MRTFB: variants seen among roughly 807,000 people sequenced by gnomAD.
The protein encoded by MRTFB is myocardin related transcription factor B, also known as myocardin-related transcription factor B.
In MRTFB, 29 loss-of-function variants were observed where a neutral mutation model predicts 104.2. The observed-to-expected ratio is 0.28, with a 90% CI of 0.21 to 0.38. The LOEUF (loss-of-function observed/expected upper bound fraction) is 0.38. Ranked by LOEUF, MRTFB falls within the 10% of genes least tolerant of loss-of-function variation. The pLI is 1.00. For missense variants in MRTFB, 1,270 were observed against 1,341.6 expected, an observed-to-expected ratio of 0.95 and a Z score of 0.83; for synonymous variants, 535 against 519.5, an observed-to-expected ratio of 1.03 and a Z score of -0.41.
In MRTFB at chr16:14,246,763, C is replaced by T. The variant is rs201837515; in HGVS notation, c.1503C>T (p.Ser501=). Residue 501 remains serine (S), a synonymous_variant, in exon 12 of 17, where the codon TCC becomes TCT. Transcript: ENST00000571589. ...CAACCCGTGTGGAAAATGTTCATTC[C>T]CCTCTGCCCATTTCACCATCTCCCT... ...SNATRVENVH[S]PLPISPSPSE... The T allele has an allele frequency of 1.2e-6, 2 of 1,614,052 alleles. No homozygotes were observed. The highest frequency in any genetic ancestry group is 2.2e-5 in the East Asian group (1 of 44,878).
chr16:14,063,086 A>G, the MRTFB span, among the ~76,000 whole-genome samples: 1 of 152,188 alleles, frequency 6.6e-6, no homozygotes, highest in South Asian at 2.1e-4. Flanking sequence ...AAAGACAGAT[A>G]GGTTACAGAT....
chr16:14,239,589 A>G (rs1464698162), intron 9 of MRTFB, among the ~76,000 whole-genome samples: 1 of 152,182 alleles, frequency 6.6e-6, no homozygotes, highest in East Asian at 1.9e-4. Context: ...GTATAAAGTG[A>G]TCTGATAACT....
intron 9 of MRTFB, among the ~76,000 whole-genome samples, chr16:14,236,483 G>GTTT (rs1186976096): frequency 9.2e-5 from 14 of 152,194 alleles, no homozygotes; most frequent in Non-Finnish European, 1.8e-4. Context: ...AGGGTAAACA[G>GTTT]ACAACCAAAT....
chr16:14,169,910 A>C (rs2039367526), intron 3 of MRTFB, among the ~76,000 whole-genome samples: 1 of 152,140 alleles, frequency 6.6e-6, no homozygotes, highest in Non-Finnish European at 1.5e-5. Flanking sequence ...TAACATACAA[A>C]ATTGTCATTT....
intron 8 of MRTFB, among the ~76,000 whole-genome samples, chr16:14,222,203 G>A (rs950960405): frequency 2.6e-5 from 4 of 152,110 alleles, no homozygotes; most frequent in Non-Finnish European, 5.9e-5. Flanking sequence ...ACCATACTTT[G>A]AGTGAAATCT....
intron 2 of MRTFB, among the ~76,000 whole-genome samples, chr16:14,128,415 C>G (rs1012580850): frequency 2.6e-5 from 4 of 152,126 alleles, no homozygotes; most frequent in Non-Finnish European, 4.4e-5. Context: ...CTGAAATAAC[C>G]GTTACTTTGA....
Position 14,212,392 on chromosome 16 carries a change from A to G in MRTFB, c.259A>G (p.Ser87Gly). The change falls in exon 5 of 17, where the codon AGC becomes GGC. Residue 87 changes from serine (S) to glycine (G), a missense_variant. Ser to Gly is a moderately conservative substitution (Grantham distance 56). Around this residue, in one of 3 missense-constraint regions of MRTFB, gnomAD observed 64 missense variants for 152.9 expected, o/e 0.42. Transcript: ENST00000571589. The stretch of plus-strand genomic sequence containing the variant: ...AGCGGCATTCCATGAACAGATAAAA[A>G]GCTTGGAACGAGCCAGAGTAAGACA... ...SPAAFHEQIK[S>G]LERARTENFL... 6.2e-7 allele frequency: 1 copy of G among 1,613,952 alleles called. No homozygotes were observed.
chr16:14,067,026 G>A (rs1191375709), upstream of MRTFB, among the ~76,000 whole-genome samples: 1 of 152,026 alleles, frequency 6.6e-6, no homozygotes, highest in Non-Finnish European at 1.5e-5. Flanking sequence ...CCGTGGTCTT[G>A]TTATGCCCAC....
intron 2 of MRTFB, among the ~76,000 whole-genome samples, chr16:14,094,524 A>C (rs1187786964): frequency 6.6e-6 from 1 of 152,182 alleles, no homozygotes; most frequent in African/African-American, 2.4e-5. Flanking sequence ...GTAGCTGACA[A>C]ATCTTGTTTA....
At chr16:14,252,941 G>T (rs1002085497) in intron 15 of MRTFB, among the ~76,000 whole-genome samples, 2 of 152,098 alleles carry the variant, frequency 1.3e-5, no homozygotes, top group Non-Finnish European at 2.9e-5. Context: ...TCTCTCTCTG[G>T]TCTCCAGCAA....
intron 1 of MRTFB, among the ~76,000 whole-genome samples, chr16:14,076,847 C>T (rs1596701938): frequency 6.6e-6 from 1 of 152,216 alleles, no homozygotes; most frequent in South Asian, 2.1e-4. Context: ...AAAATGATAA[C>T]TCCATGTAGT....
At position 14,247,339 on chromosome 16, in the gene MRTFB, T is replaced by C. The variant is rs747222184; in HGVS notation, c.2079T>C (p.Ser693=). ...EVPVGQAEQQ[S]VVSQFYVSSQ... is the part of the protein sequence containing the mutation. Reference sequence around the variant, plus strand: ...CTGTGGGCCAGGCAGAGCAGCAGAGTGTCGTCTCGCAGTTTTATGTGAGTT... The same window carrying C: ...CTGTGGGCCAGGCAGAGCAGCAGAGCGTCGTCTCGCAGTTTTATGTGAGTT... Residue 693 remains serine (S), a synonymous_variant, in exon 12 of 17, where the codon AGT becomes AGC. Transcript: ENST00000571589. The C allele has an allele frequency of 1.7e-5, 28 of 1,613,932 alleles. No homozygotes were observed. Among genetic ancestry groups the C allele is most frequent in the Non-Finnish European group, 2.4e-5 (28 of 1,180,016 alleles).
At chr16:14,119,434 G>A (rs915077434) in intron 2 of MRTFB, among the ~76,000 whole-genome samples, 9 of 152,284 alleles carry the variant, frequency 5.9e-5, no homozygotes, top group Middle Eastern at 3.4e-3. Flanking sequence ...AAATACATAA[G>A]GAGGCAGGTT....
rs3974321 is a variant in MRTFB at position 14,096,051 on chromosome 16, AATTTATTTATTTATTT to A, written c.-64+16726_-64+16741del. On this transcript the variant is annotated intron_variant, in intron 2 of 16. Coordinates refer to ENST00000571589, the MANE Select transcript of MRTFB (RefSeq NM_001308142.2). The stretch of plus-strand genomic sequence containing the variant: ...ACATGACAGTTTAGAGGCAAGCTGA[AATTTATTTATTTATTT>A]ATTTATTTATTTATTTATTTATTTA... Among the ~76,000 whole-genome samples, 54 of 144,340 alleles carry A rather than the reference AATTTATTTATTTATTT, an allele frequency of 3.7e-4. 1 individual carries two copies. Among genetic ancestry groups the A allele is most frequent in the African/African-American group, 8.7e-4 (34 of 39,258 alleles). The allele number at this position is 144,340 out of a possible 152,430, so 94.7% of individuals were successfully genotyped here. A position where few individuals can be genotyped will look rare whatever the true frequency, so the allele number is the denominator to read the frequency against.
chr16:14,085,028 C>G (rs539286809), intron 2 of MRTFB, among the ~76,000 whole-genome samples: 2 of 152,062 alleles, frequency 1.3e-5, no homozygotes, highest in South Asian at 4.2e-4. Flanking sequence ...GGTTATAATC[C>G]CAGCTACTCA....
intron 3 of MRTFB, among the ~76,000 whole-genome samples, chr16:14,191,668 A>G (rs1372955502): frequency 5.9e-5 from 9 of 152,218 alleles, no homozygotes; most frequent in Non-Finnish European, 8.8e-5. Context: ...CTTAAACAGA[A>G]TATAATAATT....
At chr16:14,052,535 T>C in the MRTFB span, among the ~76,000 whole-genome samples, 4 of 151,974 alleles carry the variant, frequency 2.6e-5, no homozygotes, top group African/African-American at 9.7e-5. Context: ...GGTCAGGAGT[T>C]TGAGACCAAC....
intron 10 of MRTFB, 94 bp downstream of exon 10, chr16:14,240,578 T>C: frequency 1.9e-6 from 3 of 1,577,836 alleles, no homozygotes; most frequent in South Asian, 2.2e-5. Context: ...TGTCATTTAT[T>C]TGTGCTCAGT....
intron 8 of MRTFB, among the ~76,000 whole-genome samples, chr16:14,233,283 C>A (rs147032296): frequency 1.1e-3 from 168 of 152,194 alleles, no homozygotes; most frequent in Non-Finnish European, 2.0e-3. Context: ...TCTTCTGTTG[C>A]AAGAAATGGG....
Sources: gnomAD v4.1 joint callset for allele counts (sites outside exome capture counted in the v4.1 genomes callset) on GRCh38, gnomAD v4.1.1 for gene constraint, gnomAD v4.1.1 regional missense constraint, MANE v1.5 for transcripts, NCBI Gene and HGNC (gene_info 2026-07-23, HGNC 2026-07-21) for gene names.